CSMD1: variants seen among roughly 807,000 people sequenced by gnomAD.
CSMD1 encodes CUB and sushi domain-containing protein 1.
In CSMD1, 213 loss-of-function variants were observed where a neutral mutation model predicts 417.5. The observed-to-expected ratio is 0.51, with a 90% confidence interval of 0.46 to 0.57. The LOEUF (loss-of-function observed/expected upper bound fraction) is 0.57, where lower values mean the gene tolerates loss of function less well. Among genes scored for constraint, CSMD1 ranks in the 20% least tolerant of loss-of-function variants. The pLI is 0.00. For synonymous variants in CSMD1, 2,862 were observed against 1,736.8 expected (o/e 1.65, Z -16.11); for missense variants, 6,923 against 4,529.7 (o/e 1.53, Z -15.17).
intron 2 of CSMD1, among the ~76,000 whole-genome samples, chr8:4,630,627 C>G (rs942152976): frequency 1.3e-5 from 2 of 152,152 alleles, no homozygotes; most frequent in Non-Finnish European, 2.9e-5. Context: ...ATCCTAAAAT[C>G]TGTAGGTAGA....
At chr8:3,770,050 G>A (rs766829547) in intron 5 of CSMD1, among the ~76,000 whole-genome samples, 51 of 152,242 alleles carry the variant, frequency 3.3e-4, no homozygotes, top group Non-Finnish European at 6.0e-4. Context: ...TGTGATTCCT[G>A]ATCAGGGAAG....
rs539022700 is a variant in CSMD1, at chr8:3,933,050, G to C, written c.818+64853C>G. ...GTATGATAAAAAAAAAAAACTGCTT[G>C]TGGCAAATTATCTCATTAAAAAAAA... On this transcript the variant is annotated intron_variant, in intron 5 of 69. Coordinates refer to ENST00000635120, the MANE Select transcript of CSMD1 (RefSeq NM_033225.6). 1.5e-4 allele frequency among the ~76,000 whole-genome samples: 18 copies of C among 124,092 alleles called. 1 individual carries two copies. Among genetic ancestry groups the C allele is most frequent in the Non-Finnish European group, 2.9e-4 (17 of 59,466 alleles). 81.4% of individuals were successfully genotyped at this position (124,092 alleles called of 152,430 possible).
chr8:3,887,249 C>T lies in CSMD1; in HGVS notation c.818+110654G>A, dbSNP rs62480069. On this transcript the variant is annotated intron_variant, in intron 5 of 69. Coordinates refer to ENST00000635120, the MANE Select transcript of CSMD1 (RefSeq NM_033225.6). ...TAGCCATGAGAAGGACATCAATGTTCTTGCACAGCAGTGGTGACACAACCA... is the reference window on the plus strand; with the variant it reads ...TAGCCATGAGAAGGACATCAATGTTTTTGCACAGCAGTGGTGACACAACCA... Among the ~76,000 whole-genome samples the T allele has an allele frequency of 4.4e-3, 663 of 152,280 alleles. 5 individuals are homozygous for T. The highest frequency in any genetic ancestry group is 0.014 in the Middle Eastern group (4 of 294).
chr8:4,923,769 A>G (rs564302242), intron 1 of CSMD1, among the ~76,000 whole-genome samples: 10 of 152,288 alleles, frequency 6.6e-5, no homozygotes, highest in Non-Finnish European at 1.5e-4. Context: ...TCTATTATAT[A>G]TCTCCAAGAT....
At chr8:4,317,908 G>C (rs936261600) in intron 3 of CSMD1, among the ~76,000 whole-genome samples, 1 of 152,152 alleles carries the variant, frequency 6.6e-6, no homozygotes, top group African/African-American at 2.4e-5. Context: ...TGTTGGAAAG[G>C]AGAACAAAAT....
At chr8:3,633,928 A>C (rs112399531) in intron 7 of CSMD1, among the ~76,000 whole-genome samples, 26 of 152,352 alleles carry the variant, frequency 1.7e-4, no homozygotes, top group African/African-American at 6.3e-4. Context: ...AAAATACATA[A>C]AATATATCAT....
chr8:3,712,047 G>A (rs1045727016), intron 6 of CSMD1, among the ~76,000 whole-genome samples: 3 of 152,298 alleles, frequency 2.0e-5, no homozygotes, highest in Admixed American at 2.0e-4. Flanking sequence ...TTGATGCTCT[G>A]TAAAGCTACG....
chr8:3,357,915 G>C (rs530175758), intron 21 of CSMD1, among the ~76,000 whole-genome samples: 1 of 152,234 alleles, frequency 6.6e-6, no homozygotes, highest in Admixed American at 6.5e-5. Flanking sequence ...CAGATGATTT[G>C]ATTCATGTTT....
At chr8:3,212,657 G>A (rs1797681061) in intron 30 of CSMD1, among the ~76,000 whole-genome samples, 1 of 151,664 alleles carries the variant, frequency 6.6e-6, no homozygotes, top group East Asian at 2.0e-4. Flanking sequence ...CCTGGCCTAA[G>A]TTCTTACTCT....
In CSMD1 at chr8:4,174,131, G is replaced by C. The variant is rs73658434; in HGVS notation, c.416-142032C>G. ...GGAGGGTAGGGCAAGCCTGGAAAGGGAGGGTCACCCACCAAAGGCTCGTGG... is the reference window on the plus strand; with the variant it reads ...GGAGGGTAGGGCAAGCCTGGAAAGGCAGGGTCACCCACCAAAGGCTCGTGG... On this transcript the variant is annotated intron_variant, in intron 3 of 69. Transcript: ENST00000635120. 6.9e-3 allele frequency among the ~76,000 whole-genome samples: 1,057 copies of C among 152,226 alleles called. 17 individuals carry two copies. The highest frequency in any genetic ancestry group is 0.025 in the African/African-American group (1,022 of 41,512).
intron 46 of CSMD1, among the ~76,000 whole-genome samples, chr8:3,104,533 A>G (rs1033196415): frequency 6.6e-6 from 1 of 152,064 alleles, no homozygotes; most frequent in Non-Finnish European, 1.5e-5. Flanking sequence ...TTCAATGTTA[A>G]TATTTTTTCA....
At chr8:4,540,549 G>A (rs1301578590) in intron 2 of CSMD1, among the ~76,000 whole-genome samples, 1 of 152,058 alleles carries the variant, frequency 6.6e-6, no homozygotes, top group Admixed American at 6.6e-5. Flanking sequence ...AAACCTAATG[G>A]ATGGGAAAGA....
intron 5 of CSMD1, among the ~76,000 whole-genome samples, chr8:3,940,659 T>C (rs1281556043): frequency 6.6e-6 from 1 of 151,978 alleles, no homozygotes; most frequent in Non-Finnish European, 1.5e-5. Flanking sequence ...TTGGGTTTCC[T>C]AGATGTTCCC....
chr8:4,935,760 C>T (rs1279205820), intron 1 of CSMD1, among the ~76,000 whole-genome samples: 1 of 152,128 alleles, frequency 6.6e-6, no homozygotes, highest in Non-Finnish European at 1.5e-5. Flanking sequence ...AGAAGTTCTT[C>T]TGTGATTAGA....
chr8:3,191,255 T>G (rs77648387), intron 33 of CSMD1, among the ~76,000 whole-genome samples: 8,454 of 151,986 alleles, frequency 0.056, 266 homozygotes, highest in East Asian at 0.13. Context: ...GAGAGTTCGT[T>G]TATCAGCCTG....
intron 1 of CSMD1, among the ~76,000 whole-genome samples, chr8:4,840,120 G>C (rs1051044186): frequency 3.7e-4 from 4 of 10,912 alleles, no homozygotes; most frequent in Admixed American, 3.2e-3. Context: ...ACTCCACGGA[G>C]GCACTTGCCA....
intron 3 of CSMD1, among the ~76,000 whole-genome samples, chr8:4,296,718 C>G (rs1419995492): frequency 1.9e-5 from 1 of 52,466 alleles, no homozygotes; most frequent in East Asian, 7.1e-4. Context: ...TTTTTTTTCT[C>G]CAGGGCTTAC....
intron 23 of CSMD1, among the ~76,000 whole-genome samples, chr8:3,317,176 A>G (rs1226586810): frequency 6.6e-6 from 1 of 152,148 alleles, no homozygotes; most frequent in African/African-American, 2.4e-5. Flanking sequence ...TTGTCACATA[A>G]TGATTCTGAT....
chr8:4,717,057 T>C (rs879603014), intron 1 of CSMD1, among the ~76,000 whole-genome samples: 11 of 151,704 alleles, frequency 7.3e-5, no homozygotes, highest in African/African-American at 1.9e-4. Context: ...CAAAGAAAAA[T>C]AGGAAAAATA....
Sources: allele counts gnomAD v4.1 joint callset (sites outside exome capture counted in the v4.1 genomes callset), GRCh38; gene constraint gnomAD v4.1.1; transcripts MANE v1.5; gene names NCBI Gene and HGNC (gene_info 2026-07-23, HGNC 2026-07-21).